ETFA: variants seen among roughly 807,000 people sequenced by gnomAD.
ETFA encodes the protein electron transfer flavoprotein subunit alpha, mitochondrial.
Under a neutral mutation model 46.2 loss-of-function variants are expected in ETFA, and 22 were observed. The ratio of observed to expected loss-of-function variants is 0.48; its 90% CI spans 0.34 to 0.68. The LOEUF is 0.68. Among genes scored for constraint, ETFA ranks in the 30% least tolerant of loss-of-function variants. The pLI is 0.01. For synonymous variants in ETFA, 131 were observed against 139.9 expected, an observed-to-expected ratio of 0.94 and a Z score of 0.45; for missense variants, 345 against 401.1, an observed-to-expected ratio of 0.86 and a Z score of 1.19.
At chr15:76,225,568 T>C (rs900365742) in intron 11 of ETFA, among the ~76,000 whole-genome samples, 1 of 151,990 alleles carries the variant, frequency 6.6e-6, no homozygotes, top group Non-Finnish European at 1.5e-5. Context: ...GGATTACAGG[T>C]GTGAGCCACC....
intron 8 of ETFA, among the ~76,000 whole-genome samples, chr15:76,279,727 T>C (rs931817552): frequency 4.6e-5 from 7 of 152,140 alleles, no homozygotes; most frequent in African/African-American, 9.7e-5. Flanking sequence ...TGTGTCATAG[T>C]TGATCAATTT....
chr15:76,294,676 A>T (rs1240211375), intron 2 of ETFA, among the ~76,000 whole-genome samples: 6 of 152,124 alleles, frequency 3.9e-5, no homozygotes, highest in Non-Finnish European at 8.8e-5. Flanking sequence ...CAGCCTTCCA[A>T]GTAGCTGGGA....
At chr15:76,310,644 A>G (rs759255884) in intron 1 of ETFA, among the ~76,000 whole-genome samples, 13 of 152,200 alleles carry the variant, frequency 8.5e-5, no homozygotes, top group Admixed American at 5.2e-4. Context: ...AAAATGTACC[A>G]CTGTCACCAG....
Position 76,292,499 on chromosome 15 carries a change from A to G in ETFA, c.283T>C (p.Leu95=), listed in dbSNP as rs759065701. The G allele has an allele frequency of 3.1e-6, 5 of 1,613,264 alleles. No homozygotes were observed. Among genetic ancestry groups the G allele is most frequent in the Non-Finnish European group, 4.2e-6 (5 of 1,179,148 alleles). The part of the protein sequence containing the change: ...KGLLPEELTP[L]ILATQKQFNY... Reference sequence around the variant, plus strand: ...AACTGCTTCTGAGTTGCCAAAATCAATGGTGTCAGTTCCTCTGAGAATTAA... The same window carrying G: ...AACTGCTTCTGAGTTGCCAAAATCAGTGGTGTCAGTTCCTCTGAGAATTAA... The change falls in exon 4 of 12, where the codon TTG becomes CTG. Residue 95 remains leucine, a synonymous_variant. Transcript: ENST00000557943.
chr15:76,259,578 C>CAGGT (rs2039381898), intron 9 of ETFA: 1 of 1,054,928 alleles, frequency 9.5e-7, no homozygotes, highest in Non-Finnish European at 1.5e-6. Flanking sequence ...CCACACATCA[C>CAGGT]TGTGCACAGT....
At chr15:76,310,369 G>GAAAAAAAAAAAAAAAAAAA (rs34111559) in intron 1 of ETFA, among the ~76,000 whole-genome samples, 17 of 104,440 alleles carry the variant, frequency 1.6e-4, no homozygotes, top group African/African-American at 5.6e-4. Context: ...TCCATGCCCA[G>GAAAAAAAAAAAAAAAAAAA]AAAAAAAAAA....
chr15:76,298,400 G>A (rs1264662964), intron 1 of ETFA, among the ~76,000 whole-genome samples: 2 of 152,178 alleles, frequency 1.3e-5, no homozygotes, highest in East Asian at 3.8e-4. Flanking sequence ...TATCTCAGGA[G>A]CCACCACATG....
chr15:76,264,260 C>A (rs747180890), intron 9 of ETFA, among the ~76,000 whole-genome samples: 1 of 152,176 alleles, frequency 6.6e-6, no homozygotes, highest in African/African-American at 2.4e-5. Flanking sequence ...GTTCTCACTC[C>A]GTCCCAGTAC....
intron 9 of ETFA, among the ~76,000 whole-genome samples, chr15:76,235,358 T>TC (rs1186093501): frequency 1.3e-5 from 2 of 152,160 alleles, no homozygotes; most frequent in African/African-American, 4.8e-5. Flanking sequence ...AGGGCACCAC[T>TC]CTTAACAGTC....
At chr15:76,291,980 T>A (rs747897264) in intron 4 of ETFA, among the ~76,000 whole-genome samples, 15 of 152,130 alleles carry the variant, frequency 9.9e-5, no homozygotes, top group Admixed American at 2.6e-4. Flanking sequence ...ATGCACATGA[T>A]CAGATTACAG....
chr15:76,287,688 G>A, intron 5 of ETFA, 158 bp downstream of exon 5: 1 of 589,316 alleles, frequency 1.7e-6, no homozygotes, highest in Non-Finnish European at 3.1e-6. Context: ...CATGTCAAGG[G>A]CCACCAGCAA....
Position 76,216,409 on chromosome 15 carries a change from A to G in ETFA, c.*150T>C. The stretch of plus-strand genomic sequence containing the variant: ...AAAAGGAAACACAGCAATCCCATAA[A>G]CAAGCATTCTGGCATCTGTTAGAAA... On this transcript the variant is annotated 3_prime_UTR_variant, in exon 12 of 12. Transcript: ENST00000557943. The G allele has an allele frequency of 1.6e-6, 1 of 614,578 alleles. No homozygotes were observed. Among genetic ancestry groups the G allele is most frequent in the East Asian group, 2.8e-5 (1 of 36,318 alleles). 38.1% of individuals were successfully genotyped at this position (614,578 alleles called of 1,614,324 possible).
At position 76,288,304 on chromosome 15, in the gene ETFA, G is replaced by A. The variant is rs149535247; in HGVS notation, c.352-359C>T. ...AAGATAGAACAAATTTAGAAGGGTGGTAAAATTCTCAAATACTGAAAAAGA... is the reference window on the plus strand; with the variant it reads ...AAGATAGAACAAATTTAGAAGGGTGATAAAATTCTCAAATACTGAAAAAGA... On this transcript the variant is annotated intron_variant, in intron 4 of 11. Transcript: ENST00000557943. Among the ~76,000 whole-genome samples the A allele has an allele frequency of 1.1e-3, 170 of 152,148 alleles. 2 individuals are homozygous for A. The highest frequency in any genetic ancestry group is 2.0e-3 in the Admixed American group (31 of 15,268).
At position 76,274,502 on chromosome 15, in the gene ETFA, GA is replaced by G. The variant is rs2039574310; in HGVS notation, c.734-9del. ...CAGCACGGGAAGCACCAACTAAGGG[GA>G]AAAAATATTTGTCATTTTTTTCAAG... On this transcript the variant is annotated splice_polypyrimidine_tract_variant and intron_variant, in intron 8 of 11. Coordinates refer to ENST00000557943, the MANE Select transcript of ETFA (RefSeq NM_000126.4). 2 of 1,604,982 alleles carry G rather than the reference GA, an allele frequency of 1.2e-6. No individual in the cohort carries two copies. Among genetic ancestry groups the G allele is most frequent in the Admixed American group, 1.7e-5 (1 of 59,338 alleles).
chr15:76,238,243 A>T (rs923480465), intron 9 of ETFA, among the ~76,000 whole-genome samples: 1 of 152,282 alleles, frequency 6.6e-6, no homozygotes, highest in Non-Finnish European at 1.5e-5. Context: ...TGAAATACGA[A>T]TATGAGTAGG....
intron 1 of ETFA, among the ~76,000 whole-genome samples, chr15:76,296,012 C>T (rs1490140103): frequency 7.8e-6 from 1 of 128,846 alleles, no homozygotes; most frequent in Non-Finnish European, 1.6e-5. Flanking sequence ...CGCGTGCGAC[C>T]ATGGCTCACT....
chr15:76,254,653 C>G (rs1411723879), intron 9 of ETFA, among the ~76,000 whole-genome samples: 1 of 152,108 alleles, frequency 6.6e-6, no homozygotes, highest in Non-Finnish European at 1.5e-5. Flanking sequence ...TTCATTCTCT[C>G]ACAGTGCGCA....
chr15:76,275,974 T>C (rs902048925), intron 8 of ETFA, among the ~76,000 whole-genome samples: 7 of 152,298 alleles, frequency 4.6e-5, no homozygotes, highest in African/African-American at 1.7e-4. Flanking sequence ...GAATACAATG[T>C]TATTATTTTA....
In ETFA at chr15:76,249,460, T is replaced by TTA. The variant is rs2039275814; in HGVS notation, c.817-18063_817-18062insTA. ...ATTTTTTTTTTTTTTTTTTTTTTTTTAGATGGAGTCTCGTTCTGTCGCCCA... is the reference window on the plus strand; with the variant it reads ...ATTTTTTTTTTTTTTTTTTTTTTTTTTAAGATGGAGTCTCGTTCTGTCGCCCA... On this transcript the variant is annotated intron_variant, in intron 9 of 11. Coordinates refer to ENST00000557943, the MANE Select transcript of ETFA (RefSeq NM_000126.4). 2.3e-5 allele frequency among the ~76,000 whole-genome samples: 3 copies of TTA among 132,946 alleles called. No individual in the cohort carries two copies. In the East Asian group the frequency reaches 6.9e-4, roughly 30 times the overall value. 87.2% of individuals were successfully genotyped at this position (132,946 alleles called of 152,430 possible). A position where few individuals can be genotyped will look rare whatever the true frequency, so the allele number is the denominator to read the frequency against.
Sources: gnomAD v4.1 joint callset for allele counts (sites outside exome capture counted in the v4.1 genomes callset) on GRCh38, gnomAD v4.1.1 for gene constraint, MANE v1.5 for transcripts, NCBI Gene and HGNC (gene_info 2026-07-23, HGNC 2026-07-21) for gene names.